Variants in NEBL observed in about 807,000 individuals in gnomAD.
NEBL encodes the protein nebulette.
NEBL carries 122 observed loss-of-function variants against 140.2 expected under a neutral mutation model. That is an observed-to-expected ratio of 0.87 (90% CI 0.75 to 1.01). The LOEUF (loss-of-function observed/expected upper bound fraction) is 1.01. NEBL is among the 50% of genes least tolerant of loss of function. The probability of loss-of-function intolerance (pLI) is 0.00; values close to 1 mark genes in which losing one functional copy is unlikely to be tolerated. For missense variants in NEBL, 1,365 were observed against 1,231.3 expected (o/e 1.11, Z -1.62); for synonymous variants, 436 against 398.9 (o/e 1.09, Z -1.11).
At chr10:21,049,210 T>G (rs1023222036) in intron 2 of NEBL, among the ~76,000 whole-genome samples, 5 of 152,156 alleles carry the variant, frequency 3.3e-5, no homozygotes, top group African/African-American at 1.2e-4. Context: ...TATAGACAGG[T>G]GTTTGACCAA....
At chr10:20,866,398 T>C (rs1564400325) in intron 7 of NEBL, among the ~76,000 whole-genome samples, 1 of 152,000 alleles carries the variant, frequency 6.6e-6, no homozygotes, top group East Asian at 1.9e-4. Context: ...CTTATCACGA[T>C]AAAAAAATGG....
chr10:21,241,026 A>G (rs1842432272), intron 3 of NEBL, among the ~76,000 whole-genome samples: 1 of 151,864 alleles, frequency 6.6e-6, no homozygotes, highest in Non-Finnish European at 1.5e-5. Flanking sequence ...TTTCACGATC[A>G]TATTTCCTGT....
At chr10:21,085,279 T>C (rs967998800) in intron 2 of NEBL, among the ~76,000 whole-genome samples, 7 of 152,216 alleles carry the variant, frequency 4.6e-5, no homozygotes, top group Non-Finnish European at 8.8e-5. Flanking sequence ...CTCATTGTTT[T>C]AGAGATGTGG....
intron 3 of NEBL, among the ~76,000 whole-genome samples, chr10:20,997,297 A>G (rs1837704145): frequency 6.6e-6 from 1 of 151,978 alleles, no homozygotes; most frequent in Non-Finnish European, 1.5e-5. Flanking sequence ...ACAGCCAGTA[A>G]CAGTCCCTGT....
rs557741319 is a variant in NEBL at position 21,137,922 on chromosome 10, G to GA, written c.164+34460dup. 0.013 allele frequency among the ~76,000 whole-genome samples: 1,595 copies of GA among 121,032 alleles called. 47 individuals are homozygous for GA. The East Asian group carries it at 0.14, about 11-fold the overall frequency. The allele number at this position is 121,032 out of a possible 152,430, so 79.4% of individuals were successfully genotyped here. A position where few individuals can be genotyped will look rare whatever the true frequency, so the allele number is the denominator to read the frequency against. On this transcript the variant is annotated intron_variant, in intron 2 of 6. Transcript: ENST00000417816. ...AGCCTGGGTGACAGAGCAAGACCCT[G>GA]AAAAAAAAAAAAAGGAAAGGGAAGG...
chr10:20,826,353 G>GA, intron 18 of NEBL, 94 bp downstream of exon 18: 1 of 973,652 alleles, frequency 1.0e-6, no homozygotes, highest in East Asian at 2.4e-5. Context: ...AGAATAAAAG[G>GA]AAAAAAGCCA....
chr10:21,071,734 T>G (rs1835825161), intron 2 of NEBL, among the ~76,000 whole-genome samples: 1 of 152,204 alleles, frequency 6.6e-6, no homozygotes, highest in African/African-American at 2.4e-5. Flanking sequence ...TTTGGTGGCT[T>G]AAAACAACAG....
At chr10:21,078,087 A>G (rs1470648813) in intron 2 of NEBL, among the ~76,000 whole-genome samples, 2 of 152,178 alleles carry the variant, frequency 1.3e-5, no homozygotes, top group African/African-American at 4.8e-5. Context: ...AGGAGATTGG[A>G]AGATGGAAAT....
In NEBL at chr10:20,809,872, C is replaced by T; in HGVS notation, c.2545G>A (p.Gly849Ser). 1 of 1,608,910 alleles carries T rather than the reference C, an allele frequency of 6.2e-7. No individual in the cohort carries two copies. Among genetic ancestry groups the T allele is most frequent in the Non-Finnish European group, 8.5e-7 (1 of 1,178,704 alleles). ...VDLKVWRTDP[G>S]SIFDLDPLED... is the part of the protein sequence containing the mutation. ...AGGGGATCAAGGTCGAAGATGGAGC[C>T]AGGATCTGTGCGCCAAACTTTGAGG... The change falls in exon 25 of 28, where the codon GGC (glycine) becomes AGC (serine). Residue 849 changes from glycine (G) to serine (S), a missense_variant. By Grantham distance (56) the Gly-to-Ser change is moderately conservative (BLOSUM62 0). Transcript: ENST00000377122.
intron 2 of NEBL, among the ~76,000 whole-genome samples, chr10:21,142,190 T>C (rs1431994452): frequency 6.6e-6 from 1 of 152,130 alleles, no homozygotes; most frequent in African/African-American, 2.4e-5. Context: ...TACACAGACA[T>C]CTGACTTAAA....
intron 2 of NEBL, among the ~76,000 whole-genome samples, chr10:21,136,891 C>T (rs1286222178): frequency 6.6e-6 from 1 of 152,158 alleles, no homozygotes; most frequent in African/African-American, 2.4e-5. Flanking sequence ...TGCTTATTGC[C>T]CCCAATGAGT....
intron 2 of NEBL, among the ~76,000 whole-genome samples, chr10:21,076,444 CAAAAAAAAAAAAAAAAAAAAAA>C (rs56013237): frequency 2.0e-5 from 1 of 50,048 alleles, no homozygotes; most frequent in African/African-American, 6.2e-5. Flanking sequence ...GACTCAGTTT[CAAAAAAAAAAAAAAAAAAAAAA>C]AAAAAAAAGA....
At chr10:20,885,392 A>G (rs1473447990) in intron 4 of NEBL, among the ~76,000 whole-genome samples, 1 of 152,224 alleles carries the variant, frequency 6.6e-6, no homozygotes, top group East Asian at 1.9e-4. Flanking sequence ...TTTCTTTATT[A>G]ATAAGTTCAG....
At chr10:21,183,968 C>A (rs1464600514) in intron 3 of NEBL, among the ~76,000 whole-genome samples, 3 of 152,186 alleles carry the variant, frequency 2.0e-5, no homozygotes, top group African/African-American at 4.8e-5. Context: ...CCATGTGAGA[C>A]CTGCCTTTCA....
At chr10:21,281,466 G>A (rs1588596787) in intron 1 of NEBL, among the ~76,000 whole-genome samples, 1 of 144,742 alleles carries the variant, frequency 6.9e-6, no homozygotes, top group African/African-American at 2.5e-5. Context: ...TCTGCTGCTT[G>A]TCTTTCCTTT....
intron 3 of NEBL, among the ~76,000 whole-genome samples, chr10:21,236,502 C>A (rs967168285): frequency 6.6e-6 from 1 of 151,942 alleles, no homozygotes. Flanking sequence ...TGCACACGAC[C>A]ACGCCTGGCT....
intron 4 of NEBL, among the ~76,000 whole-genome samples, chr10:20,935,043 C>T (rs997405602): frequency 1.3e-5 from 2 of 152,178 alleles, no homozygotes; most frequent in African/African-American, 4.8e-5. Flanking sequence ...AAGGCCAATA[C>T]ATGCCAGGTA....
intron 1 of NEBL, among the ~76,000 whole-genome samples, chr10:21,256,430 C>T (rs985128223): frequency 2.5e-4 from 38 of 152,312 alleles, no homozygotes; most frequent in African/African-American, 9.1e-4. Context: ...TACTGTCCCA[C>T]AGCTGCTGAA....
intron 2 of NEBL, among the ~76,000 whole-genome samples, chr10:21,108,244 T>C (rs1005513971): frequency 1.6e-4 from 24 of 152,288 alleles, no homozygotes; most frequent in African/African-American, 5.8e-4. Flanking sequence ...GTTATTTTAA[T>C]TGTGATGTTA....
Sources: gnomAD v4.1 joint callset for allele counts (sites outside exome capture counted in the v4.1 genomes callset) on GRCh38, gnomAD v4.1.1 for gene constraint, MANE v1.5 for transcripts, NCBI Gene and HGNC (gene_info 2026-07-23, HGNC 2026-07-21) for gene names.